The following RDX variants were observed in gnomAD, a reference collection of about 807,000 sequenced individuals.
RDX encodes the protein radixin.
Under a neutral mutation model 83.7 loss-of-function variants are expected in RDX, and 32 were observed. That is an observed-to-expected ratio of 0.38 (90% CI 0.29 to 0.51). The LOEUF (loss-of-function observed/expected upper bound fraction) is 0.51. Ranked by LOEUF, RDX falls within the 20% of genes least tolerant of loss-of-function variation. The pLI, the probability that RDX is intolerant of heterozygous loss-of-function variation, is 0.87. For synonymous variants in RDX, 229 were observed against 222.7 expected (o/e 1.03, Z -0.25); for missense variants, 600 against 689.9 (o/e 0.87, Z 1.46).
intron 14 of RDX, among the ~76,000 whole-genome samples, chr11:110,203,899 T>G (rs948546356): frequency 4.6e-5 from 7 of 152,096 alleles, no homozygotes; most frequent in African/African-American, 1.7e-4. Context: ...TACTAAAAAT[T>G]AGGCTGGTGC....
At chr11:110,226,936 T>C (rs964838938), downstream of RDX, among the ~76,000 whole-genome samples, 3 of 152,190 alleles carry the variant, frequency 2.0e-5, no homozygotes, top group Non-Finnish European at 2.9e-5. Flanking sequence ...TTCCTGCTTA[T>C]TGATCTTCCT....
intron 3 of RDX, among the ~76,000 whole-genome samples, chr11:110,271,489 C>T (rs550752785): frequency 2.8e-4 from 43 of 152,296 alleles, no homozygotes; most frequent in African/African-American, 1.0e-3. Context: ...CATGTTCTTA[C>T]TTAATCCCTG....
At chr11:110,256,228 A>G (rs1859540965) in intron 7 of RDX, among the ~76,000 whole-genome samples, 1 of 152,196 alleles carries the variant, frequency 6.6e-6, no homozygotes, top group African/African-American at 2.4e-5. Context: ...CTGACAACAC[A>G]GCATGAATTT....
At chr11:110,186,181 G>A (rs1396565432) in intron 15 of RDX, among the ~76,000 whole-genome samples, 2 of 152,180 alleles carry the variant, frequency 1.3e-5, no homozygotes, top group Non-Finnish European at 2.9e-5. Context: ...GGCAATTCAC[G>A]CGTGAAGAAA....
intron 14 of RDX, among the ~76,000 whole-genome samples, chr11:110,220,421 A>C (rs1184415441): frequency 6.6e-6 from 1 of 152,238 alleles, no homozygotes; most frequent in Non-Finnish European, 1.5e-5. Flanking sequence ...CCAAGGTCTC[A>C]GAAGTGGCCA....
intron 1 of RDX, among the ~76,000 whole-genome samples, chr11:110,289,213 C>T (rs528189745): frequency 9.6e-5 from 13 of 135,602 alleles, no homozygotes; most frequent in Non-Finnish European, 4.6e-5. Context: ...ACTCCAGCCT[C>T]GGCAACAAGA....
intron 1 of RDX, among the ~76,000 whole-genome samples, chr11:110,291,658 G>GA (rs1273065533): frequency 6.6e-6 from 1 of 152,122 alleles, no homozygotes; most frequent in African/African-American, 2.4e-5. Flanking sequence ...GAGTAGCTGG[G>GA]ACTACAGGTC....
intron 15 of RDX, among the ~76,000 whole-genome samples, chr11:110,180,526 C>T (rs952654599): frequency 6.6e-6 from 1 of 152,214 alleles, no homozygotes; most frequent in Admixed American, 6.5e-5. Flanking sequence ...CTGTAGCAGG[C>T]AGCACACACA....
At chr11:110,193,650 C>T (rs1329065649) in intron 15 of RDX, among the ~76,000 whole-genome samples, 1 of 152,202 alleles carries the variant, frequency 6.6e-6, no homozygotes, top group Non-Finnish European at 1.5e-5. Context: ...AAAGAAGACA[C>T]TCTAAGAACA....
intron 12 of RDX, among the ~76,000 whole-genome samples, chr11:110,234,718 G>A (rs1864772473): frequency 6.6e-6 from 1 of 151,988 alleles, no homozygotes. Flanking sequence ...TAGAGTAACT[G>A]GGAAATTAAC....
At chr11:110,238,939 A>C (rs7107131) in intron 10 of RDX, among the ~76,000 whole-genome samples, 81,965 of 144,550 alleles carry the variant, frequency 0.57, 23,614 homozygotes, top group Middle Eastern at 0.69. Context: ...AAAAAAAAAA[A>C]AAACAAAAAA....
At chr11:110,244,191 G>A (rs568538580) in intron 10 of RDX, among the ~76,000 whole-genome samples, 4 of 151,406 alleles carry the variant, frequency 2.6e-5, no homozygotes, top group Non-Finnish European at 5.9e-5. Flanking sequence ...GCGAAACCCC[G>A]TCTCTACTAA....
chr11:110,240,563 G>GA (rs1279849612), intron 10 of RDX, among the ~76,000 whole-genome samples: 1 of 151,332 alleles, frequency 6.6e-6, no homozygotes, highest in Non-Finnish European at 1.5e-5. Flanking sequence ...CTAACACGGT[G>GA]AAACCCCGTC....
intron 1 of RDX, among the ~76,000 whole-genome samples, chr11:110,294,331 G>A (rs576631448): frequency 6.6e-6 from 1 of 152,340 alleles, no homozygotes; most frequent in East Asian, 1.9e-4. Context: ...GGAGGCGGAG[G>A]TGCAGTGAGC....
In RDX at chr11:110,263,954, A is replaced by C. The variant is rs1225393431; in HGVS notation, c.467+6T>G. ...ACAATATAATGCAAACGCATGTTTC[A>C]CTTACCGCTGGGGTAGGAGTCTATC... On this transcript the variant is annotated splice_donor_region_variant and intron_variant, in intron 5 of 13. Coordinates refer to ENST00000645495, the MANE Select transcript of RDX (RefSeq NM_002906.4). 1 of 1,612,176 alleles carries C rather than the reference A, an allele frequency of 6.2e-7. No homozygotes were observed.
At chr11:110,239,479 C>T (rs78153411) in intron 10 of RDX, among the ~76,000 whole-genome samples, 30,543 of 152,064 alleles carry the variant, frequency 0.2, 3,917 homozygotes, top group South Asian at 0.36. Flanking sequence ...AGCTCAAACT[C>T]GATAGCAGAA....
At chr11:110,197,385 G>C (rs887829771) in intron 15 of RDX, among the ~76,000 whole-genome samples, 24 of 152,156 alleles carry the variant, frequency 1.6e-4, no homozygotes, top group African/African-American at 5.1e-4. Flanking sequence ...ATCAACTATG[G>C]AGAGGCCCAG....
chr11:110,289,238 C>CA (rs753424624), intron 1 of RDX, among the ~76,000 whole-genome samples: 5,816 of 53,066 alleles, frequency 0.11, 375 homozygotes, highest in African/African-American at 0.23. Flanking sequence ...AACTCTATCT[C>CA]AAAAAAAAAA....
chr11:110,184,917 G>A (rs11820557), intron 15 of RDX, among the ~76,000 whole-genome samples: 6 of 152,032 alleles, frequency 3.9e-5, no homozygotes, highest in Admixed American at 6.5e-5. Context: ...TTGGAGGGGG[G>A]GCTAGGGCCT....
Sources: allele counts gnomAD v4.1 joint callset (sites outside exome capture counted in the v4.1 genomes callset), GRCh38; gene constraint gnomAD v4.1.1; transcripts MANE v1.5; gene names NCBI Gene and HGNC (gene_info 2026-07-23, HGNC 2026-07-21).